EPHA3: variants seen among roughly 807,000 people sequenced by gnomAD.
EPHA3 encodes the protein EPH receptor A3.
A neutral mutation model predicts 107.1 loss-of-function variants in EPHA3; 42 were observed. That is an observed-to-expected ratio of 0.39 (90% CI 0.31 to 0.51). The LOEUF (loss-of-function observed/expected upper bound fraction) is 0.51. Ranked by LOEUF, EPHA3 falls within the 20% of genes least tolerant of loss-of-function variation. The pLI is 0.78. For missense variants in EPHA3, 1,183 were observed against 1,211.2 expected (o/e 0.98, Z 0.35); for synonymous variants, 461 against 424.8 (o/e 1.09, Z -1.05).
At chr3:89,300,100 T>C (rs1369147527) in intron 3 of EPHA3, among the ~76,000 whole-genome samples, 1 of 152,074 alleles carries the variant, frequency 6.6e-6, no homozygotes, top group South Asian at 2.1e-4. Flanking sequence ...ATGTCTTCGA[T>C]AATTGGGATT....
intron 5 of EPHA3, among the ~76,000 whole-genome samples, chr3:89,391,743 C>T (rs116194037): frequency 0.016 from 2,431 of 151,980 alleles, 67 homozygotes; most frequent in African/African-American, 0.055. Context: ...TATTTGTATT[C>T]TCTTAAGAAA....
chr3:89,117,288 T>A (rs1327271908), intron 1 of EPHA3, among the ~76,000 whole-genome samples: 2 of 152,106 alleles, frequency 1.3e-5, no homozygotes, highest in African/African-American at 4.8e-5. Flanking sequence ...TTGCCTATGA[T>A]AAAGTTGATT....
At chr3:89,124,358 T>C (rs1369520475) in intron 1 of EPHA3, among the ~76,000 whole-genome samples, 2 of 152,168 alleles carry the variant, frequency 1.3e-5, no homozygotes, top group Non-Finnish European at 2.9e-5. Flanking sequence ...AATTATGCTG[T>C]ATACTCAAAC....
At chr3:89,288,422 A>G (rs1306979192) in intron 3 of EPHA3, among the ~76,000 whole-genome samples, 2 of 152,052 alleles carry the variant, frequency 1.3e-5, no homozygotes, top group Non-Finnish European at 1.5e-5. Context: ...TTCACCTCAA[A>G]TCTTTGAGTG....
At chr3:89,447,551 T>C (rs748135662) in intron 13 of EPHA3, among the ~76,000 whole-genome samples, 1 of 152,158 alleles carries the variant, frequency 6.6e-6, no homozygotes, top group African/African-American at 2.4e-5. Context: ...CCCAAGTGCA[T>C]CTGTGATTAA....
chr3:89,190,963 T>C (rs1445303963), intron 2 of EPHA3, among the ~76,000 whole-genome samples: 2 of 152,326 alleles, frequency 1.3e-5, no homozygotes, highest in Admixed American at 6.5e-5. Context: ...CCTGAGATCC[T>C]GAGGGTTAGA....
At chr3:89,365,932 T>G (rs1708177165) in intron 5 of EPHA3, among the ~76,000 whole-genome samples, 2 of 150,758 alleles carry the variant, frequency 1.3e-5, no homozygotes, top group Middle Eastern at 3.2e-3. Flanking sequence ...TGGGATGGGA[T>G]GGTTTAGCAG....
chr3:89,449,258 G>GA lies in EPHA3; in HGVS notation c.2382dup (p.Ala795SerfsTer41). On this transcript the variant is annotated frameshift_variant, in exon 14 of 17. Transcript: ENST00000336596. LOFTEE classifies it high-confidence loss of function. ...GATCCCAATCAGGTGGACATCACCA[G>GA]AAGCTATAGCCTACCGCAAGTTCAC... The GA allele has an allele frequency of 6.2e-7, 1 of 1,610,088 alleles. No homozygotes were observed. Among genetic ancestry groups the GA allele is most frequent in the Non-Finnish European group, 8.5e-7 (1 of 1,177,256 alleles).
intron 3 of EPHA3, among the ~76,000 whole-genome samples, chr3:89,248,998 C>G (rs1705100762): frequency 6.6e-6 from 1 of 152,118 alleles, no homozygotes; most frequent in African/African-American, 2.4e-5. Flanking sequence ...TAATCTGCAC[C>G]AAAAATCTAT....
chr3:89,198,108 G>A (rs1186595874), intron 2 of EPHA3, among the ~76,000 whole-genome samples: 2 of 152,220 alleles, frequency 1.3e-5, no homozygotes, highest in Middle Eastern at 3.4e-3. Flanking sequence ...CCTCAAATTA[G>A]AAGAAACAGA....
intron 2 of EPHA3, among the ~76,000 whole-genome samples, chr3:89,195,027 T>C (rs1276778998): frequency 6.6e-6 from 1 of 152,106 alleles, no homozygotes; most frequent in East Asian, 1.9e-4. Context: ...CATTTCATTT[T>C]TCTTGTATTT....
intron 16 of EPHA3, among the ~76,000 whole-genome samples, chr3:89,475,322 T>C (rs748849694): frequency 6.6e-6 from 1 of 152,166 alleles, no homozygotes; most frequent in African/African-American, 2.4e-5. Flanking sequence ...CCAGACTCAA[T>C]TCAGAAATGA....
rs1393547911 is a variant in EPHA3, at chr3:89,342,363, G to A, written c.1306+273G>A. The stretch of plus-strand genomic sequence containing the variant: ...TTTGAGGCTCTCAGATAGTAGTAGA[G>A]GGGCTCCTTGGGGGAAACATTTTTA... On this transcript the variant is annotated intron_variant, in intron 5 of 16. Transcript: ENST00000336596. Among the ~76,000 whole-genome samples, 11 of 152,148 alleles carry A rather than the reference G, an allele frequency of 7.2e-5. No homozygotes were observed. The East Asian group carries it at 2.1e-3, about 29-fold the overall frequency.
chr3:89,160,223 A>G (rs1209603799), intron 2 of EPHA3, among the ~76,000 whole-genome samples: 2 of 152,194 alleles, frequency 1.3e-5, no homozygotes, highest in East Asian at 3.9e-4. Context: ...TGGATCTCAC[A>G]TTTCTTCTGG....
intron 15 of EPHA3, among the ~76,000 whole-genome samples, chr3:89,466,692 C>T (rs1293020667): frequency 5.3e-5 from 7 of 132,062 alleles, no homozygotes; most frequent in East Asian, 4.1e-4. Context: ...CTTCGGCTCG[C>T]GCACGGTGCG....
At chr3:89,181,309 T>A (rs1705437667) in intron 2 of EPHA3, among the ~76,000 whole-genome samples, 2 of 151,970 alleles carry the variant, frequency 1.3e-5, no homozygotes, top group South Asian at 4.1e-4. Context: ...GACAGATATA[T>A]TAAATAAATG....
chr3:89,469,333 T>A (rs1364788934), intron 15 of EPHA3, among the ~76,000 whole-genome samples: 1 of 152,186 alleles, frequency 6.6e-6, no homozygotes, highest in African/African-American at 2.4e-5. Flanking sequence ...TCAGAACCAA[T>A]GTTGCAATTT....
At chr3:89,292,598 G>A (rs1559635163) in intron 3 of EPHA3, among the ~76,000 whole-genome samples, 1 of 152,086 alleles carries the variant, frequency 6.6e-6, no homozygotes, top group Admixed American at 6.6e-5. Context: ...TTTCCAATTT[G>A]TAAATATGTA....
At chr3:89,190,294 T>G (rs1423105488) in intron 2 of EPHA3, among the ~76,000 whole-genome samples, 1 of 152,152 alleles carries the variant, frequency 6.6e-6, no homozygotes, top group Non-Finnish European at 1.5e-5. Context: ...AAACTAACTC[T>G]CTTATTTTTC....
Sources: gnomAD v4.1 joint callset for allele counts (sites outside exome capture counted in the v4.1 genomes callset) on GRCh38, gnomAD v4.1.1 for gene constraint, MANE v1.5 for transcripts, NCBI Gene and HGNC (gene_info 2026-07-23, HGNC 2026-07-21) for gene names.